RHOBTB3: variants seen among roughly 807,000 people sequenced by gnomAD.
RHOBTB3 encodes rho-related BTB domain-containing protein 3.
A neutral mutation model predicts 67.2 loss-of-function variants in RHOBTB3; 47 were observed. The observed-to-expected ratio is 0.70, with a 90% CI of 0.55 to 0.89. The LOEUF (loss-of-function observed/expected upper bound fraction) is 0.89. Among genes scored for constraint, RHOBTB3 ranks in the 40% least tolerant of loss-of-function variants. RHOBTB3 has a pLI of 0.00. For missense variants in RHOBTB3, 631 were observed against 750.0 expected, an observed-to-expected ratio of 0.84 and a Z score of 1.85; for synonymous variants, 273 against 274.2, an observed-to-expected ratio of 1.00 and a Z score of 0.04.
At chr5:95,769,024 C>T in intron 8 of RHOBTB3, 1 of 266,972 alleles carries the variant, frequency 3.7e-6, no homozygotes. Context: ...AGTCTTTCCG[C>T]AGACGAGACC....
At chr5:95,729,189 T>G (rs957669774), upstream of RHOBTB3, among the ~76,000 whole-genome samples, 1 of 152,246 alleles carries the variant, frequency 6.6e-6, no homozygotes, top group African/African-American at 2.4e-5. Flanking sequence ...CTTAATAAAC[T>G]GGCTTTCACT....
At chr5:95,725,115 T>C (rs779820531) in intron 1 of RHOBTB3, among the ~76,000 whole-genome samples, 5 of 152,230 alleles carry the variant, frequency 3.3e-5, no homozygotes, top group Non-Finnish European at 5.9e-5. Flanking sequence ...CTAGCAGCTT[T>C]GTTTATAATA....
At position 95,793,929 on chromosome 5, in the gene RHOBTB3, ATT is replaced by A. The variant is rs561115724; in HGVS notation, c.*758_*759del. 87 of 449,534 alleles carry A rather than the reference ATT, an allele frequency of 1.9e-4. No individual in the cohort carries two copies. The East Asian group carries it at 5.1e-3, about 26-fold the overall frequency. 27.8% of individuals were successfully genotyped at this position (449,534 alleles called of 1,614,324 possible). ...GTTTGAAGAAGGGCCCCATGATTTC[ATT>A]TTGTGCTGAGCCCTCAAAATTATGT... On this transcript the variant is annotated 3_prime_UTR_variant, in exon 12 of 12. Coordinates refer to ENST00000379982, the MANE Select transcript of RHOBTB3 (RefSeq NM_014899.4).
rs576199725 is a variant in RHOBTB3, at chr5:95,794,058, C to T, written c.*884C>T. 5.0e-5 allele frequency: 23 copies of T among 456,172 alleles called. No individual in the cohort carries two copies. The East Asian group carries it at 8.3e-4, about 17-fold the overall frequency. The allele number at this position is 456,172 out of a possible 1,614,324, so 28.3% of individuals were successfully genotyped here. On this transcript the variant is annotated 3_prime_UTR_variant, in exon 12 of 12. Coordinates refer to ENST00000379982, the MANE Select transcript of RHOBTB3 (RefSeq NM_014899.4). ...ATAAAGGGAAGAGAAGGAGGCTCAC[C>T]GGAGGGAAGAGAACATAGTGAAGAT...
intron 8 of RHOBTB3, among the ~76,000 whole-genome samples, chr5:95,773,677 T>C (rs1240682198): frequency 6.6e-6 from 1 of 152,266 alleles, no homozygotes; most frequent in Non-Finnish European, 1.5e-5. Context: ...CTTTGATTCT[T>C]CTTGCACTAC....
Position 95,794,192 on chromosome 5 carries a change from T to C in RHOBTB3, c.*1018T>C, listed in dbSNP as rs1165413874. 5 of 362,200 alleles carry C rather than the reference T, an allele frequency of 1.4e-5. No homozygotes were observed. The highest frequency in any genetic ancestry group is 2.7e-5 in the Non-Finnish European group (5 of 184,864). The allele number at this position is 362,200 out of a possible 1,614,324, so 22.4% of individuals were successfully genotyped here. A position where few individuals can be genotyped will look rare whatever the true frequency, so the allele number is the denominator to read the frequency against. ...GCTTTAAAACAGTCACAGTTCTTGC[T>C]CTATCATAGATGAACAAATACTTTC... On this transcript the variant is annotated 3_prime_UTR_variant, in exon 12 of 12. Coordinates refer to ENST00000379982, the MANE Select transcript of RHOBTB3 (RefSeq NM_014899.4).
At chr5:95,725,583 A>G (rs1755029864) in intron 1 of RHOBTB3, among the ~76,000 whole-genome samples, 1 of 152,256 alleles carries the variant, frequency 6.6e-6, no homozygotes, top group South Asian at 2.1e-4. Flanking sequence ...TTATTAAATC[A>G]TCTGCATAAC....
At chr5:95,738,142 C>T (rs1269716329) in intron 3 of RHOBTB3, among the ~76,000 whole-genome samples, 2 of 152,060 alleles carry the variant, frequency 1.3e-5, no homozygotes. Context: ...ATGCTTAGGT[C>T]GTTACCCAGG....
At chr5:95,775,395 T>C (rs905938201) in intron 8 of RHOBTB3, among the ~76,000 whole-genome samples, 4 of 147,306 alleles carry the variant, frequency 2.7e-5, no homozygotes, top group Non-Finnish European at 4.5e-5. Flanking sequence ...TGTGTGTGTA[T>C]ATATATATGT....
chr5:95,735,675 A>T (rs1580394682), intron 2 of RHOBTB3, among the ~76,000 whole-genome samples: 1 of 152,252 alleles, frequency 6.6e-6, no homozygotes, highest in East Asian at 1.9e-4. Context: ...CCACATAAAA[A>T]GACAAATGAT....
chr5:95,791,225 T>G (rs1445453150), intron 11 of RHOBTB3, among the ~76,000 whole-genome samples: 3 of 152,172 alleles, frequency 2.0e-5, no homozygotes, highest in Non-Finnish European at 4.4e-5. Flanking sequence ...AAAGTGAGAC[T>G]GGAAAAGATG....
chr5:95,776,810 G>C (rs918692510), intron 8 of RHOBTB3, among the ~76,000 whole-genome samples: 1 of 152,192 alleles, frequency 6.6e-6, no homozygotes, highest in Non-Finnish European at 1.5e-5. Context: ...GGTCACGGGG[G>C]TTGAGATAGT....
In RHOBTB3 at chr5:95,731,606, T is replaced by C; in HGVS notation, c.-77T>C. ...GGGGATGAGCGGATTGCGGGTGAAC[T>C]CGCCGCCCGGGGGCCCCGCGAAGCC... is the stretch of plus-strand genomic sequence containing the variant. On this transcript the variant is annotated 5_prime_UTR_variant, in exon 1 of 12. Coordinates refer to ENST00000379982, the MANE Select transcript of RHOBTB3 (RefSeq NM_014899.4). 1 of 1,595,700 alleles carries C rather than the reference T, an allele frequency of 6.3e-7. No individual in the cohort carries two copies. Among genetic ancestry groups the C allele is most frequent in the South Asian group, 1.1e-5 (1 of 88,702 alleles).
intron 8 of RHOBTB3, among the ~76,000 whole-genome samples, chr5:95,773,355 T>G (rs1197324457): frequency 6.6e-6 from 1 of 151,924 alleles, no homozygotes. Context: ...TTCTTAGGAG[T>G]CAGAAGCAAG....
At chr5:95,784,038 C>T in intron 10 of RHOBTB3, 75 bp downstream of exon 10, 2 of 1,195,198 alleles carry the variant, frequency 1.7e-6, no homozygotes, top group Admixed American at 2.8e-5. Context: ...TAAAATTTAT[C>T]ATTTTTTAAC....
rs141821074 is a variant in RHOBTB3 at position 95,744,874 on chromosome 5, C to T, written c.416-3459C>T. Among the ~76,000 whole-genome samples, 89 of 151,950 alleles carry T rather than the reference C, an allele frequency of 5.9e-4. 2 individuals carry two copies. Among genetic ancestry groups the T allele is most frequent in the African/African-American group, 1.9e-3 (79 of 41,424 alleles). On this transcript the variant is annotated intron_variant, in intron 3 of 11. Transcript: ENST00000379982. ...TCACTTGCGATCAGGAGTTCAGGACCAGCCTGGGCAACATGGTGAAACCCC... is the reference window on the plus strand; with the variant it reads ...TCACTTGCGATCAGGAGTTCAGGACTAGCCTGGGCAACATGGTGAAACCCC...
chr5:95,753,750 A>C (rs1487048157), intron 5 of RHOBTB3, among the ~76,000 whole-genome samples: 1 of 152,214 alleles, frequency 6.6e-6, no homozygotes, highest in East Asian at 1.9e-4. Flanking sequence ...GTTCTTATTA[A>C]TCAAGAAGAC....
At chr5:95,785,346 C>T (rs1746191423) in intron 10 of RHOBTB3, among the ~76,000 whole-genome samples, 1 of 152,180 alleles carries the variant, frequency 6.6e-6, no homozygotes, top group Non-Finnish European at 1.5e-5. Context: ...AATCCCAGCA[C>T]TTTGGGAGGC....
chr5:95,730,011 TG>T (rs1755173286), upstream of RHOBTB3, among the ~76,000 whole-genome samples: 4 of 152,206 alleles, frequency 2.6e-5, no homozygotes, highest in South Asian at 8.3e-4. Flanking sequence ...TCTTGCATGC[TG>T]GAATTTTTAA....
Sources: gnomAD v4.1 joint callset for allele counts (sites outside exome capture counted in the v4.1 genomes callset) on GRCh38, gnomAD v4.1.1 for gene constraint, MANE v1.5 for transcripts, NCBI Gene and HGNC (gene_info 2026-07-23, HGNC 2026-07-21) for gene names.